Variants in NFS1 observed in about 807,000 individuals in gnomAD.
The protein encoded by NFS1 is cysteine desulfurase.
NFS1 carries 26 observed loss-of-function variants against 57.3 expected under a neutral mutation model. The ratio of observed to expected loss-of-function variants is 0.45; its 90% confidence interval spans 0.33 to 0.63. NFS1 has a LOEUF of 0.63. NFS1 is among the 20% of genes least tolerant of loss of function. NFS1 has a pLI of 0.02. For synonymous variants in NFS1, 209 were observed against 216.3 expected (o/e 0.97, Z 0.30); for missense variants, 505 against 605.8 (o/e 0.83, Z 1.75).
intron 4 of NFS1, among the ~76,000 whole-genome samples, chr20:35,691,528 G>A (rs1207256753): frequency 6.6e-6 from 1 of 151,102 alleles, no homozygotes; most frequent in East Asian, 1.9e-4. Context: ...ATCATCTAAG[G>A]TCAGGAGTTT....
rs543977450 is a variant in NFS1 at position 35,695,956 on chromosome 20, C to T, written c.408+421G>A. Among the ~76,000 whole-genome samples the T allele has an allele frequency of 5.9e-5, 9 of 152,222 alleles. No homozygotes were observed. The East Asian group carries it at 1.5e-3, about 26-fold the overall frequency. On this transcript the variant is annotated intron_variant, in intron 4 of 12. Transcript: ENST00000374092. ...TCTGGAGGCTGAGGCAGGAGAATCACTTGAACCTGGGAGGTGGAGTTTGCA... is the reference window on the plus strand; with the variant it reads ...TCTGGAGGCTGAGGCAGGAGAATCATTTGAACCTGGGAGGTGGAGTTTGCA...
chr20:35,690,384 T>C (rs1374135493), intron 5 of NFS1, 29 bp downstream of exon 5: 1 of 1,602,670 alleles, frequency 6.2e-7, no homozygotes, highest in Non-Finnish European at 8.5e-7. Flanking sequence ...TCCTCCATTT[T>C]TGCTCCTCCT....
chr20:35,698,692 G>C, intron 1 of NFS1, 102 bp from the exon 2 acceptor site: 1 of 1,456,270 alleles, frequency 6.9e-7, no homozygotes, highest in Non-Finnish European at 9.1e-7. Flanking sequence ...GGTGAGATAA[G>C]TGTAAGGGAT....
At chr20:35,697,307 A>C (rs1475316137) in intron 3 of NFS1, among the ~76,000 whole-genome samples, 3 of 151,924 alleles carry the variant, frequency 2.0e-5, no homozygotes, top group Non-Finnish European at 4.4e-5. Flanking sequence ...TCTCATAAAA[A>C]AAAAAAAAAA....
At chr20:35,674,147 C>T (rs954733556) in intron 10 of NFS1, 2 of 572,342 alleles carry the variant, frequency 3.5e-6, no homozygotes, top group Non-Finnish European at 6.3e-6. Flanking sequence ...CAAAATTCTA[C>T]CCCAGGAAGT....
chr20:35,693,676 A>G (rs2035081650), intron 4 of NFS1, among the ~76,000 whole-genome samples: 1 of 152,160 alleles, frequency 6.6e-6, no homozygotes, highest in African/African-American at 2.4e-5. Context: ...AAAAATTAAA[A>G]TAACAGGCCG....
intron 6 of NFS1, among the ~76,000 whole-genome samples, chr20:35,681,531 C>T (rs1316574240): frequency 1.3e-5 from 2 of 152,158 alleles, no homozygotes; most frequent in Non-Finnish European, 2.9e-5. Flanking sequence ...AACCTCATCT[C>T]TACTAAAAAT....
At chr20:35,698,653 C>A in intron 1 of NFS1, 63 bp from the exon 2 acceptor site, 1 of 1,516,606 alleles carries the variant, frequency 6.6e-7, no homozygotes, top group African/African-American at 1.4e-5. Context: ...GCATGGCATC[C>A]AAAGGGCAGA....
At position 35,692,046 on chromosome 20, in the gene NFS1, C is replaced by T. The variant is rs190044415; in HGVS notation, c.409-1481G>A. 6.4e-4 allele frequency among the ~76,000 whole-genome samples: 97 copies of T among 151,826 alleles called. 1 individual carries two copies. The highest frequency in any genetic ancestry group is 1.1e-3 in the Non-Finnish European group (73 of 67,940). ...AAAAAAAATACAAAAATTAGCCAGG[C>T]GTGGTAGTACATGCCTGTAATCCCA... On this transcript the variant is annotated intron_variant, in intron 4 of 12. Transcript: ENST00000374092.
At chr20:35,684,303 G>A (rs1005860463) in intron 5 of NFS1, among the ~76,000 whole-genome samples, 1 of 151,808 alleles carries the variant, frequency 6.6e-6, no homozygotes, top group African/African-American at 2.4e-5. Context: ...ACTTGGGGAA[G>A]GGGCTGAGGC....
At chr20:35,687,536 G>A (rs1220923468) in intron 5 of NFS1, among the ~76,000 whole-genome samples, 1 of 152,022 alleles carries the variant, frequency 6.6e-6, no homozygotes, top group African/African-American at 2.4e-5. Flanking sequence ...TCCTTACCCT[G>A]CCCCTTTGTC....
intron 5 of NFS1, among the ~76,000 whole-genome samples, chr20:35,687,105 G>A (rs59076413): frequency 0.043 from 6,559 of 152,216 alleles, 164 homozygotes; most frequent in African/African-American, 0.072. Flanking sequence ...TAGCGGTAGC[G>A]TCAGTGTCAA....
intron 5 of NFS1, among the ~76,000 whole-genome samples, chr20:35,683,790 CAAAAA>C (rs151037025): frequency 3.7e-5 from 2 of 54,024 alleles, no homozygotes; most frequent in Non-Finnish European, 7.5e-5. Context: ...GACTCCATCT[CAAAAA>C]AAAAAAAAAA....
At position 35,674,619 on chromosome 20, in the gene NFS1, T is replaced by C. The variant is rs769456222; in HGVS notation, c.949-2A>G. ...CTTTGAGATTCGCTTGTGGTCATAC[T>C]AAGGAGCAGGCAAGGAAGGATTAGG... is the stretch of plus-strand genomic sequence containing the variant. On this transcript the variant is annotated splice_acceptor_variant, in intron 8 of 12. Coordinates refer to ENST00000374092, the MANE Select transcript of NFS1 (RefSeq NM_021100.5). LOFTEE classifies it high-confidence loss of function. 6.2e-7 allele frequency: 1 copy of C among 1,611,504 alleles called. No homozygotes were observed. The highest frequency in any genetic ancestry group is 8.5e-7 in the Non-Finnish European group (1 of 1,177,624).
chr20:35,673,506 G>A (rs1204691087), intron 11 of NFS1, 95 bp downstream of exon 11: 2 of 1,068,548 alleles, frequency 1.9e-6, no homozygotes, highest in African/African-American at 3.2e-5. Flanking sequence ...ACTCGACTGA[G>A]AAAAACTTCA....
intron 5 of NFS1, among the ~76,000 whole-genome samples, chr20:35,687,972 A>G (rs996827281): frequency 2.5e-4 from 38 of 152,310 alleles, no homozygotes; most frequent in African/African-American, 8.9e-4. Context: ...GGCCAGGCAC[A>G]GTGGCTCACG....
chr20:35,673,721 TCAA>T (rs1393869983), intron 10 of NFS1, 37 bp from the exon 11 acceptor site: 2 of 1,531,362 alleles, frequency 1.3e-6, no homozygotes, highest in South Asian at 1.1e-5. Flanking sequence ...CAGTTCATCA[TCAA>T]CGTCTACTTT....
At chr20:35,690,971 T>G (rs1601533107) in intron 4 of NFS1, among the ~76,000 whole-genome samples, 1 of 152,154 alleles carries the variant, frequency 6.6e-6, no homozygotes, top group East Asian at 1.9e-4. Flanking sequence ...TGGGTGATAA[T>G]GATGTATCAA....
chr20:35,695,332 G>A (rs1037596060), intron 4 of NFS1, among the ~76,000 whole-genome samples: 1 of 152,140 alleles, frequency 6.6e-6, no homozygotes, highest in Non-Finnish European at 1.5e-5. Context: ...CAAGGTCAAA[G>A]AAACCAACAC....
Sources: gnomAD v4.1 joint callset for allele counts (sites outside exome capture counted in the v4.1 genomes callset) on GRCh38, gnomAD v4.1.1 for gene constraint, MANE v1.5 for transcripts, NCBI Gene and HGNC (gene_info 2026-07-23, HGNC 2026-07-21) for gene names.